Variants in ANKRD17 observed in about 807,000 individuals in gnomAD.
The protein encoded by ANKRD17 is ankyrin repeat domain 17, also known as ankyrin repeat domain-containing protein 17.
ANKRD17 carries 19 observed loss-of-function variants against 229.7 expected under a neutral mutation model. That is an observed-to-expected ratio of 0.08 (90% CI 0.06 to 0.12). The LOEUF is 0.12. Ranked by LOEUF, ANKRD17 falls within the 10% of genes least tolerant of loss-of-function variation. The probability of loss-of-function intolerance (pLI) is 1.00; values close to 1 mark genes in which losing one functional copy is unlikely to be tolerated. For missense variants in ANKRD17, 2,176 were observed against 3,176.8 expected, an observed-to-expected ratio of 0.68 and a Z score of 7.57; for synonymous variants, 1,112 against 1,146.1, an observed-to-expected ratio of 0.97 and a Z score of 0.60.
intron 24 of ANKRD17, chr4:73,112,937 A>C: frequency 2.1e-5 from 8 of 380,560 alleles, no homozygotes; most frequent in Non-Finnish European, 3.1e-5. Flanking sequence ...ACAGGCATGC[A>C]CCACCACGTC....
intron 11 of ANKRD17, among the ~76,000 whole-genome samples, chr4:73,143,992 C>T (rs1254921323): frequency 2.0e-5 from 3 of 152,094 alleles, no homozygotes; most frequent in East Asian, 1.9e-4. Context: ...CCTCCTGACT[C>T]GAGGTCCCAA....
intron 1 of ANKRD17, among the ~76,000 whole-genome samples, chr4:73,187,704 CTTTG>C (rs1187423700): frequency 3.3e-5 from 5 of 152,282 alleles, no homozygotes; most frequent in East Asian, 3.9e-4. Flanking sequence ...TCCTTCCTTG[CTTTG>C]TTTGTGTGTT....
At chr4:73,242,223 G>C (rs934594939) in intron 1 of ANKRD17, among the ~76,000 whole-genome samples, 2 of 152,142 alleles carry the variant, frequency 1.3e-5, no homozygotes, top group Admixed American at 6.5e-5. Flanking sequence ...TATGACATTT[G>C]AGTCAGAAAA....
intron 3 of ANKRD17, among the ~76,000 whole-genome samples, chr4:73,157,431 G>A (rs1731811816): frequency 6.6e-6 from 1 of 152,098 alleles, no homozygotes. Context: ...ATTAAACTGA[G>A]AGAAAAGTGT....
rs944876686 is a variant in ANKRD17 at position 73,077,051 on chromosome 4, G to T, written c.7641C>A (p.Ile2547=). ...GNAMIPPVAP[I]PDGAGGPIFN... ...ATATGGGTCCTCCAGCACCATCAGG[G>T]ATAGGTGCTACTGGAGGAATCATTG... is the stretch of plus-strand genomic sequence containing the variant. The change falls in exon 33 of 34, where the codon ATC becomes ATA. Residue 2547 remains isoleucine (I), a synonymous_variant. Transcript: ENST00000358602. 4.3e-6 allele frequency: 7 copies of T among 1,613,002 alleles called. No individual in the cohort carries two copies. The highest frequency in any genetic ancestry group is 4.0e-5 in the African/African-American group (3 of 74,890).
At chr4:73,195,944 CCT>C (rs530653977) in intron 1 of ANKRD17, among the ~76,000 whole-genome samples, 1 of 151,902 alleles carries the variant, frequency 6.6e-6, no homozygotes, top group Admixed American at 6.6e-5. Flanking sequence ...ATGTTCTCTC[CCT>C]CTGTTAGTAT....
At chr4:73,094,323 T>C (rs1042788981) in intron 27 of ANKRD17, 95 bp from the exon 28 acceptor site, 86 of 1,144,856 alleles carry the variant, frequency 7.5e-5, no homozygotes, top group Non-Finnish European at 9.4e-5. Flanking sequence ...AATGTCTTTC[T>C]ATAAATACAG....
chr4:73,099,273 C>A, intron 25 of ANKRD17: 1 of 559,268 alleles, frequency 1.8e-6, no homozygotes, highest in Non-Finnish European at 3.3e-6. Context: ...GCTGCCACCC[C>A]CATCCTTCCA....
Position 73,075,340 on chromosome 4 carries a change from A to G in ANKRD17, c.*891T>C, listed in dbSNP as rs1427152799. ...TCTCAGAAAGTTTAAACATTTTATAATTAGAAGAAACCACTGGTGATGATG... is the reference window on the plus strand; with the variant it reads ...TCTCAGAAAGTTTAAACATTTTATAGTTAGAAGAAACCACTGGTGATGATG... On this transcript the variant is annotated 3_prime_UTR_variant, in exon 34 of 34. Coordinates refer to ENST00000358602, the MANE Select transcript of ANKRD17 (RefSeq NM_032217.5). The G allele has an allele frequency of 7.2e-5, 11 of 152,132 alleles. No individual in the cohort carries two copies. The allele number at this position is 152,132 out of a possible 1,614,324, so 9.4% of individuals were successfully genotyped here. A position where few individuals can be genotyped will look rare whatever the true frequency, so the allele number is the denominator to read the frequency against.
chr4:73,227,129 C>G (rs1742592556), intron 1 of ANKRD17, among the ~76,000 whole-genome samples: 1 of 152,104 alleles, frequency 6.6e-6, no homozygotes, highest in African/African-American at 2.4e-5. Context: ...AACCTGTCAT[C>G]CTAAAAACAA....
At chr4:73,095,826 C>T (rs2110190328) in intron 27 of ANKRD17, among the ~76,000 whole-genome samples, 1 of 151,962 alleles carries the variant, frequency 6.6e-6, no homozygotes, top group African/African-American at 2.4e-5. Context: ...GCTGAGATTA[C>T]AAGCACAAAC....
chr4:73,192,470 A>G (rs1033218894), intron 1 of ANKRD17, among the ~76,000 whole-genome samples: 2 of 152,112 alleles, frequency 1.3e-5, no homozygotes, highest in Non-Finnish European at 2.9e-5. Flanking sequence ...GGTAAACCCA[A>G]GTTATTAACA....
chr4:73,214,119 T>A (rs960998927), intron 1 of ANKRD17, among the ~76,000 whole-genome samples: 1 of 152,212 alleles, frequency 6.6e-6, no homozygotes. Context: ...AATCTTGGAC[T>A]GATAATTTTA....
intron 10 of ANKRD17, 30 bp downstream of exon 10, chr4:73,146,734 T>C (rs1220144916): frequency 1.4e-6 from 2 of 1,456,026 alleles, no homozygotes; most frequent in Admixed American, 3.6e-5. Context: ...TATTGTTAAA[T>C]ATTAAGATTT....
intron 24 of ANKRD17, 33 bp from the exon 25 acceptor site, chr4:73,102,580 T>C: frequency 1.3e-6 from 2 of 1,577,554 alleles, no homozygotes; most frequent in Non-Finnish European, 1.7e-6. Flanking sequence ...AAATATAACG[T>C]TGAAATTTAC....
chr4:73,131,647 GA>G (rs1206870736), intron 16 of ANKRD17, among the ~76,000 whole-genome samples: 1 of 152,142 alleles, frequency 6.6e-6, no homozygotes, highest in African/African-American at 2.4e-5. Context: ...GTTAATAAAA[GA>G]AAAGAGTCTA....
At chr4:73,220,544 T>C (rs1741710057) in intron 1 of ANKRD17, among the ~76,000 whole-genome samples, 1 of 152,252 alleles carries the variant, frequency 6.6e-6, no homozygotes, top group South Asian at 2.1e-4. Flanking sequence ...TGTGGGCATA[T>C]ATAATCAGTA....
At chr4:73,143,301 G>A (rs775159827) in intron 11 of ANKRD17, among the ~76,000 whole-genome samples, 7 of 151,966 alleles carry the variant, frequency 4.6e-5, no homozygotes, top group Non-Finnish European at 7.4e-5. Context: ...TTCGTTTGTT[G>A]TTTTCGTAGA....
intron 1 of ANKRD17, among the ~76,000 whole-genome samples, chr4:73,205,138 A>T (rs1458029737): frequency 6.6e-6 from 1 of 152,068 alleles, no homozygotes; most frequent in East Asian, 1.9e-4. Flanking sequence ...AGAAAGCAAG[A>T]CACCACCTCT....
Sources: allele counts gnomAD v4.1 joint callset (sites outside exome capture counted in the v4.1 genomes callset), GRCh38; gene constraint gnomAD v4.1.1; transcripts MANE v1.5; gene names NCBI Gene and HGNC (gene_info 2026-07-23, HGNC 2026-07-21).